The following PBX3 variants were observed in gnomAD, a reference collection of about 807,000 sequenced individuals.
The protein encoded by PBX3 is pre-B-cell leukemia transcription factor 3.
A neutral mutation model predicts 48.5 loss-of-function variants in PBX3; 14 were observed. The ratio of observed to expected loss-of-function variants is 0.29; its 90% CI spans 0.19 to 0.45. PBX3 has a LOEUF of 0.45. Ranked by LOEUF, PBX3 falls within the 20% of genes least tolerant of loss-of-function variation. The pLI, the probability that PBX3 is intolerant of heterozygous loss-of-function variation, is 1.00. For missense variants in PBX3, 386 were observed against 546.7 expected (o/e 0.71, Z 2.93); for synonymous variants, 210 against 200.3 (o/e 1.05, Z -0.41).
At chr9:125,952,723 A>G (rs1842219570) in intron 5 of PBX3, among the ~76,000 whole-genome samples, 1 of 152,218 alleles carries the variant, frequency 6.6e-6, no homozygotes, top group African/African-American at 2.4e-5. Context: ...CTGGCACTTA[A>G]ACTCATAAAG....
intron 2 of PBX3, among the ~76,000 whole-genome samples, chr9:125,772,081 C>G (rs1836954845): frequency 6.6e-6 from 1 of 152,160 alleles, no homozygotes; most frequent in Admixed American, 6.5e-5. Context: ...CATGTACTGC[C>G]TAATTCAAAG....
In PBX3 at chr9:125,965,814, T is replaced by C. The variant is rs764162729; in HGVS notation, c.1213-17T>C. ...ATATGTAGACGTGCACCCGTTGAACTGTGTTTCTCCTTTCAGGCTAATGGA... is the reference window on the plus strand; with the variant it reads ...ATATGTAGACGTGCACCCGTTGAACCGTGTTTCTCCTTTCAGGCTAATGGA... On this transcript the variant is annotated splice_polypyrimidine_tract_variant and intron_variant, in intron 8 of 8. Coordinates refer to ENST00000373489, the MANE Select transcript of PBX3 (RefSeq NM_006195.6). The C allele has an allele frequency of 1.3e-6, 2 of 1,599,296 alleles. No homozygotes were observed. Among genetic ancestry groups the C allele is most frequent in the South Asian group, 1.1e-5 (1 of 90,798 alleles).
At chr9:125,769,545 A>G (rs1462112634) in intron 2 of PBX3, among the ~76,000 whole-genome samples, 4 of 152,236 alleles carry the variant, frequency 2.6e-5, no homozygotes, top group Non-Finnish European at 5.9e-5. Context: ...CCTAAAGGCA[A>G]CAGAATATAT....
intron 3 of PBX3, among the ~76,000 whole-genome samples, chr9:125,917,349 T>G (rs184318906): frequency 2.6e-5 from 4 of 152,320 alleles, no homozygotes; most frequent in Admixed American, 2.0e-4. Context: ...GGGGTTCATT[T>G]GTTAAAATTG....
chr9:125,910,762 A>C (rs1488439197), intron 2 of PBX3, among the ~76,000 whole-genome samples: 2 of 150,318 alleles, frequency 1.3e-5, no homozygotes, highest in African/African-American at 2.4e-5. Context: ...GGGCAACTAG[A>C]TCACCTGCCA....
chr9:125,870,474 TCAAA>T (rs141152111), intron 2 of PBX3, among the ~76,000 whole-genome samples: 6,059 of 151,958 alleles, frequency 0.04, 290 homozygotes, highest in East Asian at 0.17. Context: ...CTAGACACTG[TCAAA>T]CAAACAAACA....
At chr9:125,949,555 C>A in intron 5 of PBX3, 1 of 1,322,952 alleles carries the variant, frequency 7.6e-7, no homozygotes. Context: ...ATTCTTTACT[C>A]CAAAAATGCA....
intron 2 of PBX3, among the ~76,000 whole-genome samples, chr9:125,758,457 A>G (rs1004238718): frequency 1.3e-5 from 2 of 152,202 alleles, no homozygotes; most frequent in African/African-American, 4.8e-5. Flanking sequence ...CTTGAAAATT[A>G]GGAGTTCAAA....
chr9:125,780,058 A>T (rs1419039879), intron 2 of PBX3, among the ~76,000 whole-genome samples: 152 of 70,400 alleles, frequency 2.2e-3, no homozygotes, highest in African/African-American at 8.0e-3. Context: ...CTGGCCGGGC[A>T]GGGGGCTGAC....
chr9:125,933,822 G>A (rs1445199605), intron 4 of PBX3, among the ~76,000 whole-genome samples: 2 of 152,100 alleles, frequency 1.3e-5, no homozygotes, highest in African/African-American at 2.4e-5. Flanking sequence ...AATAAATAAT[G>A]TCTATGGGCC....
chr9:125,891,590 G>A (rs972504919), intron 2 of PBX3, among the ~76,000 whole-genome samples: 1 of 152,192 alleles, frequency 6.6e-6, no homozygotes, highest in African/African-American at 2.4e-5. Flanking sequence ...CTACTACGTT[G>A]CTTGAACTCA....
At chr9:125,907,225 T>C (rs1841095959) in intron 2 of PBX3, among the ~76,000 whole-genome samples, 1 of 152,062 alleles carries the variant, frequency 6.6e-6, no homozygotes, top group Admixed American at 6.6e-5. Flanking sequence ...CATTAAAATA[T>C]GTTGCAAAAT....
At position 125,915,938 on chromosome 9, in the gene PBX3, G is replaced by A. The variant is rs2132468765; in HGVS notation, c.516+11G>A. On this transcript the variant is annotated intron_variant, in intron 3 of 8. Coordinates refer to ENST00000373489, the MANE Select transcript of PBX3 (RefSeq NM_006195.6). Reference sequence around the variant, plus strand: ...GAGAAATATGAACAGGTCAGCAGCCGCCACTCTCATAGTCCTACACAAACC... The same window carrying A: ...GAGAAATATGAACAGGTCAGCAGCCACCACTCTCATAGTCCTACACAAACC... The A allele has an allele frequency of 3.7e-6, 6 of 1,611,542 alleles. No homozygotes were observed. Among genetic ancestry groups the A allele is most frequent in the South Asian group, 1.1e-5 (1 of 90,862 alleles).
intron 2 of PBX3, among the ~76,000 whole-genome samples, chr9:125,852,289 A>G (rs1016085563): frequency 6.6e-6 from 1 of 152,162 alleles, no homozygotes; most frequent in African/African-American, 2.4e-5. Context: ...AAAAAAGTTC[A>G]TTTAGTGCCA....
At chr9:125,894,509 A>G (rs1164119501) in intron 2 of PBX3, among the ~76,000 whole-genome samples, 1 of 152,080 alleles carries the variant, frequency 6.6e-6, no homozygotes, top group Non-Finnish European at 1.5e-5. Flanking sequence ...GCACAAGACT[A>G]GTTGCTTTTC....
intron 2 of PBX3, among the ~76,000 whole-genome samples, chr9:125,771,704 C>T (rs1199901121): frequency 1.6e-4 from 24 of 151,934 alleles, no homozygotes; most frequent in Admixed American, 7.2e-4. Flanking sequence ...AGTATAATGC[C>T]TGGTTGATAG....
rs532968506 is a variant in PBX3 at position 125,770,799 on chromosome 9, A to G, written c.274+22176A>G. On this transcript the variant is annotated intron_variant, in intron 2 of 8. Transcript: ENST00000373489. ...TTTGACAACATTAGCAACATCAACT[A>G]CTGACAAAAAAAGAACCACCTCTTT... Among the ~76,000 whole-genome samples, 74 of 152,342 alleles carry G rather than the reference A, an allele frequency of 4.9e-4. 1 individual carries two copies. In the South Asian group the frequency reaches 0.015, roughly 31 times the overall value.
chr9:125,776,538 ACTT>A (rs1837074737), intron 2 of PBX3, among the ~76,000 whole-genome samples: 1 of 152,018 alleles, frequency 6.6e-6, no homozygotes, highest in Admixed American at 6.6e-5. Context: ...TCACAATAGT[ACTT>A]CTTTTCTTTT....
intron 2 of PBX3, among the ~76,000 whole-genome samples, chr9:125,767,631 G>A (rs1472955436): frequency 6.6e-6 from 1 of 152,152 alleles, no homozygotes; most frequent in African/African-American, 2.4e-5. Context: ...CAGTTTCAGG[G>A]AGTTTATAGA....
Sources: gnomAD v4.1 joint callset for allele counts (sites outside exome capture counted in the v4.1 genomes callset) on GRCh38, gnomAD v4.1.1 for gene constraint, MANE v1.5 for transcripts, NCBI Gene and HGNC (gene_info 2026-07-23, HGNC 2026-07-21) for gene names.